Variants in TENM4 observed in about 807,000 individuals in gnomAD.
TENM4 encodes the protein teneurin transmembrane protein 4.
Under a neutral mutation model 243.3 loss-of-function variants are expected in TENM4, and 82 were observed. That is an observed-to-expected ratio of 0.34 (90% confidence interval 0.28 to 0.40). TENM4 has a LOEUF of 0.40. Ranked by LOEUF, TENM4 falls within the 10% of genes least tolerant of loss-of-function variation. The pLI is 1.00. For synonymous variants in TENM4, 1,412 were observed against 1,456.3 expected, an observed-to-expected ratio of 0.97 and a Z score of 0.69; for missense variants, 3,138 against 3,673.3, an observed-to-expected ratio of 0.85 and a Z score of 3.77.
chr11:79,131,788 C>T (rs765539944), intron 4 of TENM4, among the ~76,000 whole-genome samples: 1 of 152,154 alleles, frequency 6.6e-6, no homozygotes, highest in African/African-American at 2.4e-5. Flanking sequence ...CTGCTGCCTT[C>T]AGTCCTTACC....
intron 7 of TENM4, among the ~76,000 whole-genome samples, chr11:78,901,792 C>T (rs903370730): frequency 6.6e-6 from 1 of 152,134 alleles, no homozygotes; most frequent in Non-Finnish European, 1.5e-5. Flanking sequence ...AAATCACACA[C>T]GATTTTAAAG....
chr11:78,972,474 A>T (rs950348133), intron 6 of TENM4, among the ~76,000 whole-genome samples: 35 of 152,118 alleles, frequency 2.3e-4, no homozygotes, highest in Admixed American at 4.6e-4. Context: ...CTTTAAAAAA[A>T]TTTTTTTAAA....
intron 9 of TENM4, among the ~76,000 whole-genome samples, chr11:78,880,327 A>G (rs552550238): frequency 8.5e-5 from 13 of 152,244 alleles, no homozygotes; most frequent in Non-Finnish European, 1.8e-4. Context: ...GGAAGGCCGC[A>G]GGGACCTCTG....
intron 19 of TENM4, among the ~76,000 whole-genome samples, chr11:78,754,221 C>G (rs2135947269): frequency 6.6e-6 from 1 of 152,360 alleles, no homozygotes; most frequent in East Asian, 1.9e-4. Context: ...GAGCCAGGAT[C>G]TGAAGACCAA....
chr11:78,814,510 G>T, intron 12 of TENM4, 115 bp from the exon 13 acceptor site: 1 of 765,768 alleles, frequency 1.3e-6, no homozygotes, highest in Non-Finnish European at 2.1e-6. Context: ...TTGTGGCCCC[G>T]TCACTGAAAG....
intron 1 of TENM4, among the ~76,000 whole-genome samples, chr11:79,359,490 T>A (rs1857555275): frequency 6.6e-6 from 1 of 152,184 alleles, no homozygotes; most frequent in Non-Finnish European, 1.5e-5. Context: ...GACCAGATAT[T>A]GATCATTGTT....
chr11:79,247,000 AC>A (rs35317961), intron 2 of TENM4, among the ~76,000 whole-genome samples: 12 of 141,530 alleles, frequency 8.5e-5, no homozygotes, highest in Non-Finnish European at 1.5e-4. Flanking sequence ...AAAAAAAAAC[AC>A]CCCCCCACCC....
At chr11:79,141,214 C>A (rs1462314507) in intron 4 of TENM4, among the ~76,000 whole-genome samples, 1 of 151,996 alleles carries the variant, frequency 6.6e-6, no homozygotes. Context: ...AAATCAGCGG[C>A]TCTTATTTTC....
chr11:79,228,362 A>G (rs1565259193), intron 2 of TENM4, among the ~76,000 whole-genome samples: 1 of 152,140 alleles, frequency 6.6e-6, no homozygotes, highest in Non-Finnish European at 1.5e-5. Context: ...TCCCAGACCA[A>G]TGTCGCCCAC....
At chr11:79,116,408 A>C (rs949220579) in intron 4 of TENM4, among the ~76,000 whole-genome samples, 43 of 152,204 alleles carry the variant, frequency 2.8e-4, no homozygotes, top group African/African-American at 1.0e-3. Flanking sequence ...TTGTTTAACC[A>C]CTGACAGATG....
chr11:79,056,899 C>T (rs372761041), intron 6 of TENM4, among the ~76,000 whole-genome samples: 20 of 152,152 alleles, frequency 1.3e-4, no homozygotes, highest in Non-Finnish European at 4.4e-5. Flanking sequence ...GCAAGCCCCC[C>T]GTCCTTACAG....
At chr11:78,948,265 A>G (rs910732270) in intron 6 of TENM4, among the ~76,000 whole-genome samples, 1 of 152,222 alleles carries the variant, frequency 6.6e-6, no homozygotes, top group African/African-American at 2.4e-5. Context: ...TCTCCTAAGA[A>G]TAAGAGCATT....
chr11:78,659,020 C>T (rs1473306604), intron 33 of TENM4, among the ~76,000 whole-genome samples: 1 of 152,092 alleles, frequency 6.6e-6, no homozygotes, highest in Non-Finnish European at 1.5e-5. Flanking sequence ...ATCCACCCAC[C>T]CTTCCATTTA....
intron 6 of TENM4, among the ~76,000 whole-genome samples, chr11:78,993,273 A>G (rs571754224): frequency 6.6e-6 from 1 of 152,234 alleles, no homozygotes; most frequent in South Asian, 2.1e-4. Context: ...AGAAGGAGAA[A>G]TTCATTTATG....
At position 78,854,260 on chromosome 11, in the gene TENM4, T is replaced by C; in HGVS notation, c.1525A>G (p.Ser509Gly). ...GRRLLTQEARSLEGTPRQSRG... is the reference protein window; with the variant it reads ...GRRLLTQEARGLEGTPRQSRG... Reference sequence around the variant, plus strand: ...GACTGGCGCGGGGTCCCCTCTAGGCTCCGCGCCTCCTGGGTTAGGAGCCTC... The same window carrying C: ...GACTGGCGCGGGGTCCCCTCTAGGCCCCGCGCCTCCTGGGTTAGGAGCCTC... Residue 509 changes from serine (S) to glycine (G), a missense_variant, in exon 12 of 34, where the codon AGC becomes GGC. By Grantham distance (56) the Ser-to-Gly change is moderately conservative (BLOSUM62 0). Coordinates refer to ENST00000278550, the MANE Select transcript of TENM4 (RefSeq NM_001098816.3). 1 of 1,541,362 alleles carries C rather than the reference T, an allele frequency of 6.5e-7. No individual in the cohort carries two copies. Among genetic ancestry groups the C allele is most frequent in the Non-Finnish European group, 8.8e-7 (1 of 1,141,280 alleles).
chr11:78,920,398 G>A (rs931566587), intron 6 of TENM4, among the ~76,000 whole-genome samples: 16 of 152,188 alleles, frequency 1.1e-4, no homozygotes, highest in Non-Finnish European at 1.5e-4. Context: ...TGGATATTAA[G>A]TAATATTAAC....
At chr11:78,816,576 T>C (rs1857608789) in intron 12 of TENM4, among the ~76,000 whole-genome samples, 1 of 152,158 alleles carries the variant, frequency 6.6e-6, no homozygotes, top group Non-Finnish European at 1.5e-5. Flanking sequence ...CCTAGAGACA[T>C]CCAGCCCAAT....
At chr11:78,918,757 G>A (rs1856379383) in intron 6 of TENM4, among the ~76,000 whole-genome samples, 1 of 152,134 alleles carries the variant, frequency 6.6e-6, no homozygotes, top group African/African-American at 2.4e-5. Context: ...ATGCCTGAAT[G>A]TCATTCTGTA....
chr11:79,127,417 C>T (rs183349005), intron 4 of TENM4, among the ~76,000 whole-genome samples: 1 of 136,332 alleles, frequency 7.3e-6, no homozygotes, highest in East Asian at 1.9e-4. Context: ...GTAGTGACTC[C>T]AATTGCAGCT....
Sources: allele counts gnomAD v4.1 joint callset (sites outside exome capture counted in the v4.1 genomes callset), GRCh38; gene constraint gnomAD v4.1.1; transcripts MANE v1.5; gene names NCBI Gene and HGNC (gene_info 2026-07-23, HGNC 2026-07-21).